Variants in PAPSS1 observed in about 807,000 individuals in gnomAD.
PAPSS1 encodes bifunctional 3'-phosphoadenosine 5'-phosphosulfate synthase 1.
Under a neutral mutation model 72.0 loss-of-function variants are expected in PAPSS1, and 50 were observed. The ratio of observed to expected loss-of-function variants is 0.69; its 90% CI spans 0.55 to 0.88. PAPSS1 has a LOEUF of 0.88. Among genes scored for constraint, PAPSS1 ranks in the 40% least tolerant of loss-of-function variants. The pLI is 0.00. For missense variants in PAPSS1, 657 were observed against 782.2 expected, an observed-to-expected ratio of 0.84 and a Z score of 1.91; for synonymous variants, 261 against 263.6, an observed-to-expected ratio of 0.99 and a Z score of 0.09.
At position 107,685,177 on chromosome 4, in the gene PAPSS1, T is replaced by C. The variant is rs566763303; in HGVS notation, c.550+1862A>G. Among the ~76,000 whole-genome samples, 4 of 152,340 alleles carry C rather than the reference T, an allele frequency of 2.6e-5. No homozygotes were observed. The South Asian group carries it at 8.3e-4, about 32-fold the overall frequency. On this transcript the variant is annotated intron_variant, in intron 4 of 11. Transcript: ENST00000265174. The stretch of plus-strand genomic sequence containing the variant: ...TTCAACTCTTTTTGTCGCCAAAGCA[T>C]TGGCAAATGTGTGTTCAACATTCCA...
intron 4 of PAPSS1, among the ~76,000 whole-genome samples, chr4:107,682,406 G>T (rs1477787127): frequency 6.6e-6 from 1 of 152,082 alleles, no homozygotes; most frequent in Non-Finnish European, 1.5e-5. Context: ...AATTGTTTAT[G>T]GTTTGAGAAC....
intron 1 of PAPSS1, among the ~76,000 whole-genome samples, chr4:107,711,699 G>A (rs1446750759): frequency 6.6e-6 from 1 of 152,176 alleles, no homozygotes; most frequent in Non-Finnish European, 1.5e-5. Context: ...AAACTGTAGA[G>A]ATCGTAACAA....
intron 1 of PAPSS1, among the ~76,000 whole-genome samples, chr4:107,702,801 C>G (rs1723238626): frequency 6.6e-6 from 1 of 152,160 alleles, no homozygotes; most frequent in Non-Finnish European, 1.5e-5. Context: ...AATAGTGCTG[C>G]AATTTACAAT....
At chr4:107,628,709 A>G (rs927009526) in intron 11 of PAPSS1, among the ~76,000 whole-genome samples, 1 of 152,272 alleles carries the variant, frequency 6.6e-6, no homozygotes, top group Non-Finnish European at 1.5e-5. Context: ...AAAACATTTC[A>G]TATGTACAAG....
chr4:107,719,187 G>GTTTTTTT (rs9307313), intron 1 of PAPSS1, among the ~76,000 whole-genome samples: 3,726 of 146,232 alleles, frequency 0.025, 160 homozygotes, highest in Admixed American at 0.12. Flanking sequence ...GAAATTGCTT[G>GTTTTTTT]TTTTTTTTTT....
At chr4:107,657,121 T>G (rs1727035733) in intron 6 of PAPSS1, 114 bp from the exon 7 acceptor site, 7 of 712,658 alleles carry the variant, frequency 9.8e-6, no homozygotes, top group Non-Finnish European at 1.8e-5. Context: ...AGTGTAAGGA[T>G]GAGTATAGAT....
intron 3 of PAPSS1, among the ~76,000 whole-genome samples, chr4:107,692,630 AC>A (rs1442235956): frequency 1.3e-5 from 2 of 152,178 alleles, no homozygotes; most frequent in African/African-American, 4.8e-5. Flanking sequence ...CAATCCCAGT[AC>A]TGAGTATATA....
At chr4:107,714,689 G>C (rs1723589808) in intron 1 of PAPSS1, among the ~76,000 whole-genome samples, 1 of 152,032 alleles carries the variant, frequency 6.6e-6, no homozygotes, top group African/African-American at 2.4e-5. Context: ...GATGTTAGAA[G>C]AATTATCCCC....
intron 5 of PAPSS1, among the ~76,000 whole-genome samples, chr4:107,670,186 T>A (rs1173769539): frequency 6.6e-6 from 1 of 152,214 alleles, no homozygotes; most frequent in Non-Finnish European, 1.5e-5. Context: ...TCCCTTATAA[T>A]AAGGACTCAG....
chr4:107,701,019 C>A, intron 2 of PAPSS1, 152 bp downstream of exon 2: 3 of 402,072 alleles, frequency 7.5e-6, no homozygotes, highest in Non-Finnish European at 8.8e-6. Context: ...AAAAAAATAA[C>A]AAGAAATATT....
chr4:107,670,306 C>A (rs1727434291), intron 5 of PAPSS1, among the ~76,000 whole-genome samples: 1 of 152,022 alleles, frequency 6.6e-6, no homozygotes, highest in Admixed American at 6.6e-5. Context: ...TATCCATATA[C>A]AAGGAAGAGC....
chr4:107,633,019 G>T (rs1411467868), intron 10 of PAPSS1, among the ~76,000 whole-genome samples: 1 of 152,130 alleles, frequency 6.6e-6, no homozygotes, highest in African/African-American at 2.4e-5. Context: ...CACTTGAATT[G>T]TTCACCCTGA....
intron 1 of PAPSS1, among the ~76,000 whole-genome samples, chr4:107,715,882 C>G (rs1723625623): frequency 6.6e-6 from 1 of 151,186 alleles, no homozygotes; most frequent in Admixed American, 6.6e-5. Context: ...CACCATTAGC[C>G]TCACTATGAG....
rs1297758361 is a variant in PAPSS1 at position 107,653,555 on chromosome 4, A to G, written c.1173T>C (p.Asp391=). The stretch of plus-strand genomic sequence containing the variant: ...GAGTAAGACGATACTGATCAAGACC[A>G]TCATTCCAATAAACTCGATCCAAGA... ...LQVLDRVYWN[D]GLDQYRLTPT... is the part of the protein sequence containing the mutation. The change falls in exon 9 of 12, where the codon GAT becomes GAC. Residue 391 remains aspartate, a synonymous_variant. Coordinates refer to ENST00000265174, the MANE Select transcript of PAPSS1 (RefSeq NM_005443.5). 1.9e-6 allele frequency: 3 copies of G among 1,613,158 alleles called. No individual in the cohort carries two copies. Among genetic ancestry groups the G allele is most frequent in the African/African-American group, 2.7e-5 (2 of 75,026 alleles).
intron 6 of PAPSS1, among the ~76,000 whole-genome samples, chr4:107,658,958 T>C (rs1046759995): frequency 2.6e-5 from 4 of 152,214 alleles, no homozygotes; most frequent in East Asian, 1.9e-4. Context: ...ATACATTCCA[T>C]TTAGAAAAAG....
chr4:107,627,221 A>G (rs1030892126), intron 11 of PAPSS1, among the ~76,000 whole-genome samples: 1 of 151,992 alleles, frequency 6.6e-6, no homozygotes, highest in Admixed American at 6.6e-5. Flanking sequence ...GAAAAGCTCA[A>G]CTCTTTTTAG....
At chr4:107,712,290 T>C (rs1723513939) in intron 1 of PAPSS1, among the ~76,000 whole-genome samples, 1 of 151,984 alleles carries the variant, frequency 6.6e-6, no homozygotes, top group Non-Finnish European at 1.5e-5. Context: ...CAGGACACAA[T>C]AAAAACAAAA....
intron 4 of PAPSS1, among the ~76,000 whole-genome samples, chr4:107,684,998 T>C (rs540248660): frequency 1.2e-4 from 18 of 152,252 alleles, no homozygotes; most frequent in East Asian, 7.7e-4. Context: ...CTCTGCCTCC[T>C]GTGTTCACGC....
chr4:107,647,962 C>T (rs1726737276), intron 9 of PAPSS1, among the ~76,000 whole-genome samples: 1 of 152,210 alleles, frequency 6.6e-6, no homozygotes, highest in Non-Finnish European at 1.5e-5. Flanking sequence ...ATATACATTG[C>T]TCATTACCTA....
Sources: gnomAD v4.1 joint callset for allele counts (sites outside exome capture counted in the v4.1 genomes callset) on GRCh38, gnomAD v4.1.1 for gene constraint, MANE v1.5 for transcripts, NCBI Gene and HGNC (gene_info 2026-07-23, HGNC 2026-07-21) for gene names.